Variants in RBPMS2 observed in about 807,000 individuals in gnomAD.
RBPMS2 encodes RNA binding protein, mRNA processing factor 2, also known as RNA-binding protein with multiple splicing 2.
In RBPMS2, 14 loss-of-function variants were observed where a neutral mutation model predicts 25.7. That is an observed-to-expected ratio of 0.55 (90% CI 0.36 to 0.85). The LOEUF (loss-of-function observed/expected upper bound fraction) is 0.85. Ranked by LOEUF, RBPMS2 falls within the 40% of genes least tolerant of loss-of-function variation. The pLI is 0.01. For missense variants in RBPMS2, 252 were observed against 283.4 expected (o/e 0.89, Z 0.80); for synonymous variants, 127 against 115.6 (o/e 1.10, Z -0.63).
intron 1 of RBPMS2, 28 bp downstream of exon 1, chr15:64,775,205 C>G (rs1203106595): frequency 2.5e-6 from 3 of 1,202,298 alleles, no homozygotes; most frequent in Non-Finnish European, 1.0e-6. Context: ...TGCGCTTCAC[C>G]CGGCAAGTCC....
At chr15:64,749,319 G>T in intron 4 of RBPMS2, 112 bp downstream of exon 4, 1 of 1,312,054 alleles carries the variant, frequency 7.6e-7, no homozygotes, top group South Asian at 1.2e-5. Context: ...CTTTGGCACA[G>T]ACAGTGTCGC....
At chr15:64,770,789 C>G (rs550284846) in intron 1 of RBPMS2, among the ~76,000 whole-genome samples, 4 of 152,256 alleles carry the variant, frequency 2.6e-5, no homozygotes, top group East Asian at 1.9e-4. Flanking sequence ...CCCACACCCC[C>G]CTCCCCGTTC....
intron 1 of RBPMS2, among the ~76,000 whole-genome samples, chr15:64,764,903 A>G (rs1338398667): frequency 7.4e-6 from 1 of 134,612 alleles, no homozygotes; most frequent in African/African-American, 2.8e-5. Context: ...GGGTGACAAC[A>G]GAGTGAGACT....
intron 6 of RBPMS2, among the ~76,000 whole-genome samples, chr15:64,747,576 T>G (rs2083629835): frequency 6.6e-6 from 1 of 152,052 alleles, no homozygotes; most frequent in Admixed American, 6.5e-5. Flanking sequence ...GCTGCCTGGC[T>G]GCAACTTGTC....
chr15:64,775,273 G>A lies in RBPMS2; in HGVS notation c.47C>T (p.Thr16Ile). 1 of 1,350,882 alleles carries A rather than the reference G, an allele frequency of 7.4e-7. No homozygotes were observed. The highest frequency in any genetic ancestry group is 9.6e-7 in the Non-Finnish European group (1 of 1,044,714). The allele number at this position is 1,350,882 out of a possible 1,614,324, so 83.7% of individuals were successfully genotyped here. A position where few individuals can be genotyped will look rare whatever the true frequency, so the allele number is the denominator to read the frequency against. ...PDGEHGGSTG[T>I]GSGAGSGGAL... Reference sequence around the variant, plus strand: ...GCCGCCGGAGCCCGCGCCGGAGCCGGTGCCGGTGCTGCCGCCGTGCTCGCC... The same window carrying A: ...GCCGCCGGAGCCCGCGCCGGAGCCGATGCCGGTGCTGCCGCCGTGCTCGCC... The change falls in exon 1 of 8, where the codon ACC becomes ATC. Residue 16 changes from threonine (T) to isoleucine (I), a missense_variant. Physicochemically the swap from Thr to Ile is moderately conservative, Grantham distance 89. Transcript: ENST00000300069.
At position 64,750,400 on chromosome 15, in the gene RBPMS2, G is replaced by A. The variant is rs140685901; in HGVS notation, c.166-19C>T. ...CATACCCCTGCGGAGAGAGGTGGCTGTTACCGTGGAAGGTCAGAAGCGTAT... is the reference window on the plus strand; with the variant it reads ...CATACCCCTGCGGAGAGAGGTGGCTATTACCGTGGAAGGTCAGAAGCGTAT... On this transcript the variant is annotated intron_variant, in intron 2 of 7. Transcript: ENST00000300069. 7.0e-5 allele frequency: 113 copies of A among 1,612,422 alleles called. No individual in the cohort carries two copies. In the African/African-American group the frequency reaches 1.4e-3, roughly 20 times the overall value.
intron 1 of RBPMS2, among the ~76,000 whole-genome samples, chr15:64,771,612 A>T (rs1368863391): frequency 6.6e-6 from 1 of 151,584 alleles, no homozygotes; most frequent in Non-Finnish European, 1.5e-5. Flanking sequence ...AGGAGGTTGC[A>T]GTGAGCCGAG....
chr15:64,741,363 A>G, intron 6 of RBPMS2, 121 bp from the exon 7 acceptor site: 1 of 748,428 alleles, frequency 1.3e-6, no homozygotes, highest in East Asian at 2.7e-5. Flanking sequence ...TGGCTGGCAC[A>G]TTTTGGGCCA....
At chr15:64,766,942 C>T (rs2141076395) in intron 1 of RBPMS2, among the ~76,000 whole-genome samples, 1 of 152,180 alleles carries the variant, frequency 6.6e-6, no homozygotes, top group Admixed American at 6.5e-5. Flanking sequence ...CACGGCCACA[C>T]CCAGCTAATT....
chr15:64,750,623 C>T (rs1265313945), intron 2 of RBPMS2, among the ~76,000 whole-genome samples: 1 of 152,206 alleles, frequency 6.6e-6, no homozygotes, highest in African/African-American at 2.4e-5. Context: ...GCAGAAATTC[C>T]CATTTGCTCC....
chr15:64,749,351 G>T (rs2083652692), intron 4 of RBPMS2, 80 bp downstream of exon 4: 1 of 1,411,664 alleles, frequency 7.1e-7, no homozygotes, highest in African/African-American at 1.4e-5. Context: ...CCCAGGGATG[G>T]CCGGGAAATA....
chr15:64,748,980 C>T lies in RBPMS2; in HGVS notation c.418+20G>A, dbSNP rs1010945434. The T allele has an allele frequency of 1.2e-6, 2 of 1,613,412 alleles. No individual in the cohort carries two copies. The highest frequency in any genetic ancestry group is 2.7e-5 in the African/African-American group (2 of 74,920). Reference sequence around the variant, plus strand: ...TGAATGCAACTCCATGAGGGCCTGCCAGCTCAGAGTGCCACTCACAGGGGT... The same window carrying T: ...TGAATGCAACTCCATGAGGGCCTGCTAGCTCAGAGTGCCACTCACAGGGGT... On this transcript the variant is annotated intron_variant, in intron 5 of 7. Transcript: ENST00000300069.
intron 1 of RBPMS2, among the ~76,000 whole-genome samples, chr15:64,771,099 T>C (rs1021525852): frequency 2.6e-5 from 4 of 152,228 alleles, no homozygotes; most frequent in East Asian, 1.9e-4. Context: ...AAGAAACTTA[T>C]ATCCTCCCTC....
intron 6 of RBPMS2, among the ~76,000 whole-genome samples, chr15:64,745,952 AC>A (rs1309061665): frequency 7.2e-5 from 11 of 152,174 alleles, no homozygotes; most frequent in African/African-American, 2.7e-4. Flanking sequence ...GCCCCCAGGC[AC>A]AGAAAAACTC....
intron 1 of RBPMS2, among the ~76,000 whole-genome samples, chr15:64,762,877 T>C (rs1371677343): frequency 1.3e-5 from 2 of 151,946 alleles, no homozygotes; most frequent in African/African-American, 4.8e-5. Context: ...GGCAAAGAAG[T>C]GGTGTGAACA....
intron 6 of RBPMS2, 61 bp from the exon 7 acceptor site, chr15:64,741,303 G>A (rs909325437): frequency 2.2e-6 from 3 of 1,370,948 alleles, no homozygotes; most frequent in African/African-American, 2.9e-5. Context: ...AGGAAGCCAG[G>A]TAACCATGGC....
Position 64,775,327 on chromosome 15 carries a change from G to C in RBPMS2, c.-8C>G, listed in dbSNP as rs780534430. 10 of 1,287,066 alleles carry C rather than the reference G, an allele frequency of 7.8e-6. No individual in the cohort carries two copies. In the South Asian group the frequency reaches 1.7e-4, roughly 22 times the overall value. The allele number at this position is 1,287,066 out of a possible 1,614,324, so 79.7% of individuals were successfully genotyped here. On this transcript the variant is annotated 5_prime_UTR_variant, in exon 1 of 8. Transcript: ENST00000300069. Reference sequence around the variant, plus strand: ...CGGCTTCAGGTTGCTCATGGTGCGGGGGAGGGGGCGGCGGGAAGGAACGCG... The same window carrying C: ...CGGCTTCAGGTTGCTCATGGTGCGGCGGAGGGGGCGGCGGGAAGGAACGCG...
intron 1 of RBPMS2, among the ~76,000 whole-genome samples, chr15:64,761,524 G>C (rs1024714327): frequency 6.6e-6 from 1 of 152,112 alleles, no homozygotes; most frequent in African/African-American, 2.4e-5. Flanking sequence ...GCCAGCCCAA[G>C]GTACCCAGGA....
chr15:64,770,184 A>C (rs921184206), intron 1 of RBPMS2, among the ~76,000 whole-genome samples: 1 of 152,194 alleles, frequency 6.6e-6, no homozygotes, highest in African/African-American at 2.4e-5. Context: ...GTCTCAAAAA[A>C]AAGAAAAAAA....
Sources: allele counts gnomAD v4.1 joint callset (sites outside exome capture counted in the v4.1 genomes callset), GRCh38; gene constraint gnomAD v4.1.1; transcripts MANE v1.5; gene names NCBI Gene and HGNC (gene_info 2026-07-23, HGNC 2026-07-21).